Variants in RGS6 observed in about 807,000 individuals in gnomAD.
The protein encoded by RGS6 is regulator of G-protein signaling 6.
In RGS6, 30 loss-of-function variants were observed where a neutral mutation model predicts 78.5. The observed-to-expected ratio is 0.38, with a 90% CI of 0.29 to 0.52. RGS6 has a LOEUF of 0.52. RGS6 is among the 20% of genes least tolerant of loss of function. The pLI, the probability that RGS6 is intolerant of heterozygous loss-of-function variation, is 0.85. For synonymous variants in RGS6, 206 were observed against 206.0 expected, an observed-to-expected ratio of 1.00 and a Z score of 0.00; for missense variants, 495 against 609.7, an observed-to-expected ratio of 0.81 and a Z score of 1.98.
intron 2 of RGS6, among the ~76,000 whole-genome samples, chr14:72,236,640 G>A (rs572584431): frequency 7.5e-4 from 114 of 152,288 alleles, no homozygotes; most frequent in African/African-American, 1.6e-3. Context: ...GTTGCACAGC[G>A]GCCGGGCAGA....
chr14:71,936,293 G>A (rs1325438429), intron 1 of RGS6, among the ~76,000 whole-genome samples: 2 of 151,786 alleles, frequency 1.3e-5, no homozygotes, highest in Non-Finnish European at 2.9e-5. Flanking sequence ...AAAGATGTAG[G>A]GTGGGAGGCT....
At chr14:72,052,993 CTCTCTCTCTCTCTT>C (rs2093375510) in intron 2 of RGS6, among the ~76,000 whole-genome samples, 2 of 106,248 alleles carry the variant, frequency 1.9e-5, no homozygotes, top group Admixed American at 9.4e-5. Flanking sequence ...TTCTCTCTCT[CTCTCTCTCTCTCTT>C]TCTTTCCTTC....
intron 2 of RGS6, among the ~76,000 whole-genome samples, chr14:71,986,400 C>G (rs887251591): frequency 7.9e-5 from 12 of 152,274 alleles, no homozygotes; most frequent in African/African-American, 2.9e-4. Flanking sequence ...CAAATTGCCA[C>G]AAATGTAATG....
chr14:72,231,889 G>A (rs569132000), intron 2 of RGS6, among the ~76,000 whole-genome samples: 1 of 152,100 alleles, frequency 6.6e-6, no homozygotes, highest in African/African-American at 2.4e-5. Context: ...AGCCATGTTG[G>A]GTGTGGTGGG....
intron 3 of RGS6, among the ~76,000 whole-genome samples, chr14:72,411,131 T>A (rs1341819099): frequency 5.9e-5 from 9 of 152,154 alleles, no homozygotes; most frequent in African/African-American, 9.7e-5. Flanking sequence ...CTTGATGGGG[T>A]TGGCATTGAA....
chr14:72,320,723 AC>A (rs1490613709), intron 2 of RGS6, among the ~76,000 whole-genome samples: 9 of 151,570 alleles, frequency 5.9e-5, no homozygotes, highest in Admixed American at 3.9e-4. Context: ...AAGTGCAGAA[AC>A]TTTTGTTATA....
intron 2 of RGS6, among the ~76,000 whole-genome samples, chr14:72,082,166 T>A (rs2094852620): frequency 6.6e-6 from 1 of 151,600 alleles, no homozygotes; most frequent in Non-Finnish European, 1.5e-5. Flanking sequence ...TTTTAGGATT[T>A]AAAAAAAAAT....
At chr14:72,132,338 A>G (rs1223234922) in intron 2 of RGS6, among the ~76,000 whole-genome samples, 1 of 149,874 alleles carries the variant, frequency 6.7e-6, no homozygotes, top group Non-Finnish European at 1.5e-5. Context: ...GCGCAGTGAC[A>G]TGATCTCGGC....
At chr14:72,394,475 A>G (rs574522912) in intron 3 of RGS6, among the ~76,000 whole-genome samples, 2 of 152,300 alleles carry the variant, frequency 1.3e-5, no homozygotes, top group South Asian at 4.1e-4. Context: ...AAAGACAGAC[A>G]TTCCTAGAGC....
intron 2 of RGS6, among the ~76,000 whole-genome samples, chr14:72,332,920 A>C (rs901945224): frequency 6.6e-6 from 1 of 152,126 alleles, no homozygotes; most frequent in Non-Finnish European, 1.5e-5. Flanking sequence ...CATTTTACTG[A>C]AGGAAACAGA....
At chr14:72,249,431 G>A (rs961493505) in intron 2 of RGS6, among the ~76,000 whole-genome samples, 1 of 152,110 alleles carries the variant, frequency 6.6e-6, no homozygotes, top group Non-Finnish European at 1.5e-5. Flanking sequence ...GTTACAAAAG[G>A]GTAACTTTTC....
chr14:72,305,605 C>A (rs190742037), intron 2 of RGS6, among the ~76,000 whole-genome samples: 4 of 152,258 alleles, frequency 2.6e-5, no homozygotes, highest in Admixed American at 2.0e-4. Context: ...GCACCATGAA[C>A]CACACCTGTA....
chr14:72,498,206 C>T (rs971888435), intron 13 of RGS6, among the ~76,000 whole-genome samples: 1 of 152,160 alleles, frequency 6.6e-6, no homozygotes, highest in African/African-American at 2.4e-5. Context: ...TATCATGTTA[C>T]TCCCCCTGGA....
chr14:72,405,221 C>G (rs1238877619), intron 3 of RGS6, among the ~76,000 whole-genome samples: 1 of 152,084 alleles, frequency 6.6e-6, no homozygotes, highest in African/African-American at 2.4e-5. Context: ...TGCTGCCTTC[C>G]GAATCCTCTC....
chr14:72,149,632 G>A (rs1249521926), intron 2 of RGS6, among the ~76,000 whole-genome samples: 1 of 152,110 alleles, frequency 6.6e-6, no homozygotes, highest in Non-Finnish European at 1.5e-5. Flanking sequence ...GAAACAAATT[G>A]TCAGAGAGGA....
chr14:72,309,908 T>G (rs780285670), intron 2 of RGS6, among the ~76,000 whole-genome samples: 1 of 152,214 alleles, frequency 6.6e-6, no homozygotes, highest in Non-Finnish European at 1.5e-5. Context: ...GCTGTTAGTT[T>G]GTCCCAATCT....
chr14:72,465,550 C>CTGGA lies in RGS6; in HGVS notation c.395-160_395-157dup, dbSNP rs563552344. Reference sequence around the variant, plus strand: ...TAGCAAGGGTGGGTGGGCGGGCTGTCTGGATGGATGGATGGATGGATGGAT... The same window carrying CTGGA: ...TAGCAAGGGTGGGTGGGCGGGCTGTCTGGATGGATGGATGGATGGATGGATGGAT... On this transcript the variant is annotated intron_variant, in intron 6 of 17. Transcript: ENST00000553525. Among the ~76,000 whole-genome samples the CTGGA allele has an allele frequency of 0.14, 15,786 of 110,202 alleles. 1,454 individuals carry two copies. The highest frequency in any genetic ancestry group is 0.19 in the Middle Eastern group (37 of 190). 72.3% of individuals were successfully genotyped at this position (110,202 alleles called of 152,430 possible). A position where few individuals can be genotyped will look rare whatever the true frequency, so the allele number is the denominator to read the frequency against.
intron 2 of RGS6, among the ~76,000 whole-genome samples, chr14:72,028,847 A>T (rs117569424): frequency 4.6e-5 from 7 of 152,320 alleles, no homozygotes; most frequent in Non-Finnish European, 1.0e-4. Context: ...CAAAGTAAAA[A>T]ATGACATTTT....
intron 15 of RGS6, among the ~76,000 whole-genome samples, chr14:72,533,235 AC>A (rs2097204481): frequency 6.6e-6 from 1 of 152,220 alleles, no homozygotes; most frequent in South Asian, 2.1e-4. Context: ...AAATGGACCA[AC>A]AAAGTCTGGA....
Sources: allele counts gnomAD v4.1 joint callset (sites outside exome capture counted in the v4.1 genomes callset), GRCh38; gene constraint gnomAD v4.1.1; transcripts MANE v1.5; gene names NCBI Gene and HGNC (gene_info 2026-07-23, HGNC 2026-07-21).